The following CPLANE2 variants were observed in gnomAD, a reference collection of about 807,000 sequenced individuals.
CPLANE2 encodes the protein ciliogenesis and planar polarity effector complex subunit 2.
CPLANE2 carries 24 observed loss-of-function variants against 20.9 expected under a neutral mutation model. The observed-to-expected ratio is 1.15, with a 90% CI of 0.83 to 1.61. The LOEUF (loss-of-function observed/expected upper bound fraction) is 1.61. Among genes scored for constraint, CPLANE2 ranks in the 40% most tolerant of loss-of-function variants. The pLI, the probability that CPLANE2 is intolerant of heterozygous loss-of-function variation, is 0.00. For synonymous variants in CPLANE2, 132 were observed against 144.3 expected, an observed-to-expected ratio of 0.92 and a Z score of 0.61; for missense variants, 330 against 355.1, an observed-to-expected ratio of 0.93 and a Z score of 0.57.
In CPLANE2 at chr1:16,237,037, A is replaced by T. The variant is rs1042611119; in HGVS notation, c.-295T>A. 1 of 264,798 alleles carries T rather than the reference A, an allele frequency of 3.8e-6. No individual in the cohort carries two copies. The highest frequency in any genetic ancestry group is 2.2e-5 in the African/African-American group (1 of 45,394). The allele number at this position is 264,798 out of a possible 1,614,324, so 16.4% of individuals were successfully genotyped here. A position where few individuals can be genotyped will look rare whatever the true frequency, so the allele number is the denominator to read the frequency against. ...CTTCTAGATCCCGACTCCCAGGGCT[A>T]CCTAGCCCTCCCCGTCAGCAGTCCC... On this transcript the variant is annotated 5_prime_UTR_variant, in exon 1 of 5. Coordinates refer to ENST00000375599, the MANE Select transcript of CPLANE2 (RefSeq NM_030907.4).
Position 16,232,019 on chromosome 1 carries a change from G to GCATA in CPLANE2, c.*28_*29insTATG, listed in dbSNP as rs773516667. Reference sequence around the variant, plus strand: ...CCCTATGTCGAGACCTGAGGGTTGGGGGTGGGATCACAGGCAACCACTCGT... The same window carrying GCATA: ...CCCTATGTCGAGACCTGAGGGTTGGGCATAGGTGGGATCACAGGCAACCACTCGT... On this transcript the variant is annotated 3_prime_UTR_variant, in exon 5 of 5. Coordinates refer to ENST00000375599, the MANE Select transcript of CPLANE2 (RefSeq NM_030907.4). The GCATA allele has an allele frequency of 2.8e-4, 444 of 1,589,916 alleles. 2 individuals are homozygous for GCATA. Among genetic ancestry groups the GCATA allele is most frequent in the Admixed American group, 4.4e-4 (26 of 59,638 alleles).
chr1:16,232,695 G>A (rs1440617576), intron 3 of CPLANE2, 49 bp from the exon 4 acceptor site: 1 of 1,607,620 alleles, frequency 6.2e-7, no homozygotes, highest in African/African-American at 1.3e-5. Context: ...CAGCTGCAGG[G>A]CCCTCAGAAG....
rs894028194 is a variant in CPLANE2 at position 16,236,999 on chromosome 1, G to A, written c.-257C>T. ...TCACCTCCGGGGGTCAGACAGCCCC[G>A]CTTCTCCTCTACCTTCTAGATCCCG... On this transcript the variant is annotated 5_prime_UTR_variant, in exon 1 of 5. Coordinates refer to ENST00000375599, the MANE Select transcript of CPLANE2 (RefSeq NM_030907.4). The A allele has an allele frequency of 1.9e-5, 8 of 425,362 alleles. No homozygotes were observed. Among genetic ancestry groups the A allele is most frequent in the African/African-American group, 1.4e-4 (7 of 49,796 alleles). The allele number at this position is 425,362 out of a possible 1,614,324, so 26.3% of individuals were successfully genotyped here. A position where few individuals can be genotyped will look rare whatever the true frequency, so the allele number is the denominator to read the frequency against.
rs371497230 is a variant in CPLANE2, at chr1:16,231,877, T to G, written c.*171A>C. On this transcript the variant is annotated 3_prime_UTR_variant, in exon 5 of 5. Coordinates refer to ENST00000375599, the MANE Select transcript of CPLANE2 (RefSeq NM_030907.4). ...GGCCTTGGTCCCCACCTCCCTGCCA[T>G]GAATTCTGCAAGGAAAGCGCTGCTC... 1.5e-5 allele frequency: 14 copies of G among 958,064 alleles called. No individual in the cohort carries two copies. The highest frequency in any genetic ancestry group is 6.6e-5 in the African/African-American group (4 of 61,006). The allele number at this position is 958,064 out of a possible 1,614,324, so 59.3% of individuals were successfully genotyped here. A position where few individuals can be genotyped will look rare whatever the true frequency, so the allele number is the denominator to read the frequency against.
At chr1:16,235,429 A>G (rs543732500) in intron 1 of CPLANE2, among the ~76,000 whole-genome samples, 3 of 152,228 alleles carry the variant, frequency 2.0e-5, no homozygotes, top group African/African-American at 7.2e-5. Flanking sequence ...GTGAACACCC[A>G]CTGCATGCCA....
Position 16,236,658 on chromosome 1 carries a change from G to C in CPLANE2, c.85C>G (p.Leu29Val). 6.4e-7 allele frequency: 1 copy of C among 1,560,160 alleles called. No homozygotes were observed. Among genetic ancestry groups the C allele is most frequent in the Non-Finnish European group, 8.7e-7 (1 of 1,150,746 alleles). The change falls in exon 1 of 5, where the codon CTG (leucine) becomes GTG (valine). Residue 29 changes from leucine to valine, a missense_variant. By Grantham distance (32) the Leu-to-Val change is conservative (BLOSUM62 1). Coordinates refer to ENST00000375599, the MANE Select transcript of CPLANE2 (RefSeq NM_030907.4). Reference protein sequence around the residue: ...AEGKEYLACILRKNRRRVFGL... With the variant: ...AEGKEYLACIVRKNRRRVFGL... ...AACACCCGCCGGCGGTTCTTGCGCAGAATGCAAGCCAGGTACTCCTTGCCC... is the reference window on the plus strand; with the variant it reads ...AACACCCGCCGGCGGTTCTTGCGCACAATGCAAGCCAGGTACTCCTTGCCC...
At chr1:16,232,471 C>G in intron 4 of CPLANE2, 39 bp downstream of exon 4, 2 of 1,607,352 alleles carry the variant, frequency 1.2e-6, no homozygotes, top group Non-Finnish European at 1.7e-6. Flanking sequence ...GCCCCTGACC[C>G]CCTGGCTCCG....
rs551227943 is a variant in CPLANE2 at position 16,232,828 on chromosome 1, C to A, written c.390+65G>T. 4.8e-5 allele frequency: 76 copies of A among 1,599,302 alleles called. No homozygotes were observed. In the African/African-American group the frequency reaches 9.2e-4, roughly 19 times the overall value. On this transcript the variant is annotated intron_variant, in intron 3 of 4. Transcript: ENST00000375599. ...TGCCAGCTCAGGTCTCTGAGCAGTG[C>A]CTTGAGCTCATTAATACCCAATCGG...
In CPLANE2 at chr1:16,236,671, G is replaced by A; in HGVS notation, c.72C>T (p.Tyr24=). 2 of 1,562,624 alleles carry A rather than the reference G, an allele frequency of 1.3e-6. No individual in the cohort carries two copies. The highest frequency in any genetic ancestry group is 1.7e-6 in the Non-Finnish European group (2 of 1,151,872). ...GGTTCTTGCGCAGAATGCAAGCCAG[G>A]TACTCCTTGCCCTCGGCACTCTCGT... is the stretch of plus-strand genomic sequence containing the variant. ...NWHESAEGKE[Y]LACILRKNRR... Residue 24 remains tyrosine (Y), a synonymous_variant, in exon 1 of 5, where the codon TAC becomes TAT. Transcript: ENST00000375599.
chr1:16,233,159 C>T lies in CPLANE2; in HGVS notation c.266-142G>A, dbSNP rs760062164. 3.4e-5 allele frequency: 32 copies of T among 927,754 alleles called. 1 individual carries two copies. The East Asian group carries it at 5.0e-4, about 15-fold the overall frequency. The allele number at this position is 927,754 out of a possible 1,614,324, so 57.5% of individuals were successfully genotyped here. On this transcript the variant is annotated intron_variant, in intron 2 of 4. Coordinates refer to ENST00000375599, the MANE Select transcript of CPLANE2 (RefSeq NM_030907.4). ...GATGAGGGAGGCACAGTCCTTGACCCGGGATAATTCTCAGTCTGATGGGAG... is the reference window on the plus strand; with the variant it reads ...GATGAGGGAGGCACAGTCCTTGACCTGGGATAATTCTCAGTCTGATGGGAG...
intron 2 of CPLANE2, 120 bp from the exon 3 acceptor site, chr1:16,233,137 G>A: frequency 8.8e-7 from 1 of 1,132,842 alleles, no homozygotes. Context: ...CTAGTTTGAT[G>A]AGGGAGGCAC....
intron 4 of CPLANE2, 64 bp downstream of exon 4, chr1:16,232,446 C>T: frequency 6.3e-7 from 1 of 1,588,796 alleles, no homozygotes; most frequent in East Asian, 2.2e-5. Flanking sequence ...AATTCCATGC[C>T]TGGGCAGAGG....
chr1:16,234,620 C>T (rs1367297885), intron 1 of CPLANE2, among the ~76,000 whole-genome samples: 1 of 152,064 alleles, frequency 6.6e-6, no homozygotes, highest in Non-Finnish European at 1.5e-5. Flanking sequence ...TCAAGCAATC[C>T]TCCCACCTTG....
chr1:16,232,833 A>G, intron 3 of CPLANE2, 60 bp downstream of exon 3: 13 of 1,603,958 alleles, frequency 8.1e-6, no homozygotes, highest in East Asian at 2.2e-5. Flanking sequence ...CAGTGCCTTG[A>G]GCTCATTAAT....
Position 16,236,966 on chromosome 1 carries a change from T to C in CPLANE2, c.-224A>G. The C allele has an allele frequency of 2.0e-6, 1 of 511,452 alleles. No homozygotes were observed. 31.7% of individuals were successfully genotyped at this position (511,452 alleles called of 1,614,324 possible). ...ATGGAGGGTATTCACACAGCCCCTC[T>C]CCCCTTGTCACCTCCGGGGGTCAGA... is the stretch of plus-strand genomic sequence containing the variant. On this transcript the variant is annotated 5_prime_UTR_variant, in exon 1 of 5. Transcript: ENST00000375599.
chr1:16,233,693 C>A lies in CPLANE2; in HGVS notation c.184G>T (p.Gly62Trp), dbSNP rs368208180. ...GCCGTCTTGCCCACACCACTCTTCC[C>A]GGACACAAAGATCTTGTAGCTGGCA... ...DTASYKIFVS[G>W]KSGVGKTALV... Residue 62 changes from glycine to tryptophan, a missense_variant, in exon 2 of 5, where the codon GGG (glycine) becomes TGG (tryptophan). Coordinates refer to ENST00000375599, the MANE Select transcript of CPLANE2 (RefSeq NM_030907.4). 3 of 1,614,196 alleles carry A rather than the reference C, an allele frequency of 1.9e-6. No individual in the cohort carries two copies. The highest frequency in any genetic ancestry group is 2.2e-5 in the South Asian group (2 of 91,090).
At position 16,236,639 on chromosome 1, in the gene CPLANE2, C is replaced by G. The variant is rs1260734123; in HGVS notation, c.104G>C (p.Arg35Pro). Residue 35 changes from arginine (R) to proline (P), a missense_variant, in exon 1 of 5, where the codon CGG becomes CCG. Transcript: ENST00000375599. Reference sequence around the variant, plus strand: ...AAGGGGGAGGCACTTACCAAACACCCGCCGGCGGTTCTTGCGCAGAATGCA... The same window carrying G: ...AAGGGGGAGGCACTTACCAAACACCGGCCGGCGGTTCTTGCGCAGAATGCA... ...LACILRKNRR[R>P]VFGLLERPVL... 1 of 1,554,900 alleles carries G rather than the reference C, an allele frequency of 6.4e-7. No individual in the cohort carries two copies. The highest frequency in any genetic ancestry group is 2.4e-5 in the East Asian group (1 of 41,558).
chr1:16,235,254 T>C (rs2081455660), intron 1 of CPLANE2, among the ~76,000 whole-genome samples: 1 of 152,164 alleles, frequency 6.6e-6, no homozygotes, highest in East Asian at 1.9e-4. Flanking sequence ...TTAAAAGCCA[T>C]CACTGCCATT....
rs756216694 is a variant in CPLANE2 at position 16,233,761 on chromosome 1, A to C, written c.116T>G (p.Leu39Arg). ...LRKNRRRVFG[L>R]LERPVLLPPV... ...CGGCAGCAGCACTGGCCGCTCAAGC[A>C]GCCCTAGGGCAAAGAGAGAGCCAGG... is the stretch of plus-strand genomic sequence containing the variant. The change falls in exon 2 of 5, where the codon CTG becomes CGG. Residue 39 changes from leucine (L) to arginine (R), a missense_variant. Leu to Arg is a moderately radical substitution (Grantham distance 102). Coordinates refer to ENST00000375599, the MANE Select transcript of CPLANE2 (RefSeq NM_030907.4). The C allele has an allele frequency of 6.2e-7, 1 of 1,613,982 alleles. No individual in the cohort carries two copies. Among genetic ancestry groups the C allele is most frequent in the Admixed American group, 1.7e-5 (1 of 60,012 alleles).
Sources: gnomAD v4.1 joint callset for allele counts (sites outside exome capture counted in the v4.1 genomes callset) on GRCh38, gnomAD v4.1.1 for gene constraint, MANE v1.5 for transcripts, NCBI Gene and HGNC (gene_info 2026-07-23, HGNC 2026-07-21) for gene names.